The following MED27 variants were observed in gnomAD, a reference collection of about 807,000 sequenced individuals.
MED27 encodes the protein mediator complex subunit 27.
MED27 carries 30 observed loss-of-function variants against 38.2 expected under a neutral mutation model. The ratio of observed to expected loss-of-function variants is 0.79; its 90% CI spans 0.59 to 1.07. MED27 has a LOEUF of 1.07. Ranked by LOEUF, MED27 falls within the 50% of genes least tolerant of loss-of-function variation. The probability of loss-of-function intolerance (pLI) is 0.00; values close to 1 mark genes in which losing one functional copy is unlikely to be tolerated. For synonymous variants in MED27, 122 were observed against 153.5 expected, an observed-to-expected ratio of 0.79 and a Z score of 1.52; for missense variants, 289 against 397.5, an observed-to-expected ratio of 0.73 and a Z score of 2.32.
chr9:132,036,822 T>C (rs1833089713), intron 2 of MED27, among the ~76,000 whole-genome samples: 1 of 152,192 alleles, frequency 6.6e-6, no homozygotes, highest in East Asian at 1.9e-4. Flanking sequence ...AGACATTAAA[T>C]AGGTAACCCC....
chr9:131,904,157 C>T (rs1164251285), intron 4 of MED27, among the ~76,000 whole-genome samples: 2 of 152,148 alleles, frequency 1.3e-5, no homozygotes, highest in East Asian at 3.9e-4. Context: ...TCTTGGCCTC[C>T]CAAAGTGCTG....
At chr9:132,007,916 T>C (rs1832391664) in intron 3 of MED27, among the ~76,000 whole-genome samples, 1 of 151,944 alleles carries the variant, frequency 6.6e-6, no homozygotes, top group Admixed American at 6.6e-5. Context: ...TCATGGAAGA[T>C]AATATAATGC....
intron 6 of MED27, among the ~76,000 whole-genome samples, chr9:131,882,777 C>T (rs1000756175): frequency 1.3e-5 from 2 of 152,196 alleles, no homozygotes; most frequent in African/African-American, 4.8e-5. Context: ...AAGGAGGCCC[C>T]CTTGTGTTTC....
intron 3 of MED27, among the ~76,000 whole-genome samples, chr9:131,984,386 G>A (rs544313802): frequency 6.6e-6 from 1 of 152,294 alleles, no homozygotes; most frequent in South Asian, 2.1e-4. Flanking sequence ...CCATTTAGCA[G>A]GCACTCAGAT....
chr9:132,079,678 A>T lies in MED27; in HGVS notation c.167T>A (p.Phe56Tyr). 6.2e-7 allele frequency: 1 copy of T among 1,612,786 alleles called. No homozygotes were observed. The highest frequency in any genetic ancestry group is 1.1e-5 in the South Asian group (1 of 91,020). ...EGREKAFIAH[F>Y]QDNLHSVNRD... ...GTTGACCGAATGTAAGTTGTCCTGG[A>T]AGTGCGCAATAAAGGCCTTCTCCCG... Residue 56 changes from phenylalanine (F) to tyrosine (Y), a missense_variant, in exon 1 of 8, where the codon TTC becomes TAC. Phe to Tyr is a conservative substitution (Grantham distance 22). Transcript: ENST00000292035.
chr9:131,908,274 G>A (rs1199816994), intron 4 of MED27, among the ~76,000 whole-genome samples: 1 of 149,086 alleles, frequency 6.7e-6, no homozygotes, highest in Non-Finnish European at 1.5e-5. Flanking sequence ...CCCCCCGCCC[G>A]GCCAGCCGCC....
chr9:131,959,613 T>G (rs1831174190), intron 3 of MED27, among the ~76,000 whole-genome samples: 1 of 152,190 alleles, frequency 6.6e-6, no homozygotes, highest in South Asian at 2.1e-4. Flanking sequence ...CCAGCTCTAG[T>G]CAGTTCGATA....
intron 3 of MED27, among the ~76,000 whole-genome samples, chr9:131,959,283 G>A (rs1831165139): frequency 3.4e-5 from 1 of 29,842 alleles, no homozygotes; most frequent in Admixed American, 4.7e-4. Context: ...GGCATGGAAG[G>A]AGCCTGGCAC....
At chr9:132,017,664 AG>A (rs1390989556) in intron 2 of MED27, among the ~76,000 whole-genome samples, 1 of 152,234 alleles carries the variant, frequency 6.6e-6, no homozygotes, top group Non-Finnish European at 1.5e-5. Context: ...ACTGCTCCAC[AG>A]GAACAGCCAT....
At position 131,918,126 on chromosome 9, in the gene MED27, T is replaced by C. The variant is rs550218795; in HGVS notation, c.573+21255A>G. ...GCCATTGAAATATACCTGCTAGGGA[T>C]AGAGGAATATGTTTTCCACCTCTTT... On this transcript the variant is annotated intron_variant, in intron 4 of 7. Transcript: ENST00000292035. Among the ~76,000 whole-genome samples, 14 of 152,350 alleles carry C rather than the reference T, an allele frequency of 9.2e-5. No homozygotes were observed. In the East Asian group the frequency reaches 1.7e-3, roughly 19 times the overall value.
intron 4 of MED27, among the ~76,000 whole-genome samples, chr9:131,905,306 A>T (rs1031509106): frequency 1.7e-4 from 26 of 152,210 alleles, no homozygotes; most frequent in Non-Finnish European, 3.4e-4. Flanking sequence ...GGTGCTCCTA[A>T]CAGATGTGAA....
chr9:132,077,488 G>A lies in MED27; in HGVS notation c.302C>T (p.Thr101Ile). ...TTGAAGGAGTTGACTATAGAGAGGAGTTTTGTCCTGCACAGGATCCAGGCT... is the reference window on the plus strand; with the variant it reads ...TTGAAGGAGTTGACTATAGAGAGGAATTTTGTCCTGCACAGGATCCAGGCT... ...LLSLDPVQDK[T>I]PLYSQLLQAY... Residue 101 changes from threonine to isoleucine, a missense_variant, in exon 2 of 8, where the codon ACT becomes ATT. Coordinates refer to ENST00000292035, the MANE Select transcript of MED27 (RefSeq NM_004269.4). The A allele has an allele frequency of 6.2e-7, 1 of 1,614,150 alleles. No individual in the cohort carries two copies. The highest frequency in any genetic ancestry group is 8.5e-7 in the Non-Finnish European group (1 of 1,180,004).
intron 3 of MED27, among the ~76,000 whole-genome samples, chr9:131,958,825 G>A (rs751635405): frequency 2.0e-5 from 3 of 152,150 alleles, no homozygotes; most frequent in Non-Finnish European, 4.4e-5. Context: ...TTACAGCTAC[G>A]ACCTGGGTGA....
chr9:131,869,446 G>GAGGTTCGGTCCC (rs1838791921), intron 6 of MED27: 1 of 971,134 alleles, frequency 1.0e-6, no homozygotes, highest in Non-Finnish European at 1.2e-6. Flanking sequence ...TGTGGCAGCC[G>GAGGTTCGGTCCC]AGGTTCGGTC....
intron 1 of MED27, 122 bp from the exon 2 acceptor site, chr9:132,077,708 C>T: frequency 1.0e-6 from 1 of 971,594 alleles, no homozygotes; most frequent in Non-Finnish European, 1.4e-6. Context: ...AGAAGAAATA[C>T]TTTTTGAAAG....
At chr9:131,986,471 T>C (rs1831852515) in intron 3 of MED27, among the ~76,000 whole-genome samples, 2 of 152,186 alleles carry the variant, frequency 1.3e-5, no homozygotes, top group Non-Finnish European at 2.9e-5. Flanking sequence ...CATGAGCCAC[T>C]GCACACAGCT....
intron 2 of MED27, among the ~76,000 whole-genome samples, chr9:132,022,062 T>G (rs1832728012): frequency 6.6e-6 from 1 of 152,144 alleles, no homozygotes; most frequent in South Asian, 2.1e-4. Flanking sequence ...AAAATATAAA[T>G]AGGATCAATG....
intron 4 of MED27, among the ~76,000 whole-genome samples, chr9:131,918,952 C>T (rs1206256204): frequency 2.6e-5 from 4 of 152,098 alleles, no homozygotes; most frequent in Non-Finnish European, 1.5e-5. Context: ...AGTCACAGAC[C>T]CTCTCCCTCA....
At position 131,867,572 on chromosome 9, in the gene MED27, T is replaced by C. The variant is rs1160570358; in HGVS notation, c.724-4432A>G. 2.6e-5 allele frequency among the ~76,000 whole-genome samples: 4 copies of C among 152,202 alleles called. No homozygotes were observed. The East Asian group carries it at 7.7e-4, about 29-fold the overall frequency. ...CCCATTACAGTGGTGGCACAGCAAGTTCGAGCTGCGGCCAAGGAATTTTCC... is the reference window on the plus strand; with the variant it reads ...CCCATTACAGTGGTGGCACAGCAAGCTCGAGCTGCGGCCAAGGAATTTTCC... On this transcript the variant is annotated intron_variant, in intron 6 of 7. Coordinates refer to ENST00000292035, the MANE Select transcript of MED27 (RefSeq NM_004269.4).
Sources: allele counts gnomAD v4.1 joint callset (sites outside exome capture counted in the v4.1 genomes callset), GRCh38; gene constraint gnomAD v4.1.1; transcripts MANE v1.5; gene names NCBI Gene and HGNC (gene_info 2026-07-23, HGNC 2026-07-21).